The following TENM3 variants were observed in gnomAD, a reference collection of about 807,000 sequenced individuals.
The protein encoded by TENM3 is teneurin-3.
A neutral mutation model predicts 255.1 loss-of-function variants in TENM3; 63 were observed. The ratio of observed to expected loss-of-function variants is 0.25; its 90% confidence interval spans 0.20 to 0.30. The LOEUF (loss-of-function observed/expected upper bound fraction) is 0.30, where lower values mean the gene tolerates loss of function less well. Among genes scored for constraint, TENM3 ranks in the 10% least tolerant of loss-of-function variants. The pLI, the probability that TENM3 is intolerant of heterozygous loss-of-function variation, is 1.00. For synonymous variants in TENM3, 1,306 were observed against 1,322.3 expected (o/e 0.99, Z 0.27); for missense variants, 2,929 against 3,461.1 (o/e 0.85, Z 3.86).
At chr4:181,697,842 G>A in the TENM3 span, among the ~76,000 whole-genome samples, 1 of 152,288 alleles carries the variant, frequency 6.6e-6, no homozygotes, top group Admixed American at 6.5e-5. Flanking sequence ...TTTATTGAAT[G>A]CCTACTCTGT....
chr4:181,908,469 A>T, the TENM3 span, among the ~76,000 whole-genome samples: 7 of 152,278 alleles, frequency 4.6e-5, no homozygotes, highest in East Asian at 1.4e-3. Flanking sequence ...ATATTTAAAG[A>T]TAATATTTAC....
the TENM3 span, among the ~76,000 whole-genome samples, chr4:181,656,693 A>G: frequency 2.0e-5 from 3 of 152,214 alleles, no homozygotes; most frequent in African/African-American, 7.2e-5. Context: ...TCTGAGGACA[A>G]TGTAAAAATA....
intron 3 of TENM3, among the ~76,000 whole-genome samples, chr4:182,356,677 C>G (rs1468998060): frequency 2.0e-5 from 3 of 151,486 alleles, no homozygotes; most frequent in African/African-American, 7.3e-5. Context: ...ACTGCGAGTC[C>G]CTGAAAACTT....
At chr4:182,230,932 A>C (rs1756533286) in intron 1 of TENM3, among the ~76,000 whole-genome samples, 2 of 145,652 alleles carry the variant, frequency 1.4e-5, no homozygotes, top group African/African-American at 2.5e-5. Context: ...GAGTGGGTGC[A>C]GCCCTGCCTC....
At chr4:182,605,484 TTA>T (rs1560992140) in intron 4 of TENM3, among the ~76,000 whole-genome samples, 1 of 114,636 alleles carries the variant, frequency 8.7e-6, no homozygotes, top group Non-Finnish European at 1.7e-5. Context: ...CATCATTTAT[TTA>T]AAAAAAAAAA....
chr4:182,586,842 C>A (rs1746065884), intron 3 of TENM3, among the ~76,000 whole-genome samples: 1 of 152,006 alleles, frequency 6.6e-6, no homozygotes, highest in African/African-American at 2.4e-5. Flanking sequence ...TAAGAAATAA[C>A]ATATCAAATA....
At chr4:182,452,242 C>T (rs994608763) in intron 3 of TENM3, among the ~76,000 whole-genome samples, 9 of 149,202 alleles carry the variant, frequency 6.0e-5, no homozygotes, top group Non-Finnish European at 5.9e-5. Flanking sequence ...GAAAATGGTA[C>T]CATGAAGGAG....
Position 182,328,225 on chromosome 4 carries a change from T to C in TENM3, c.232+3973T>C, listed in dbSNP as rs540712396. On this transcript the variant is annotated intron_variant, in intron 2 of 27. Coordinates refer to ENST00000511685, the MANE Select transcript of TENM3 (RefSeq NM_001080477.4). ...AAGGACTCTGTTTTTTGTTTTTGTT[T>C]TTGTTTTTGAGATGGAGTCTCACTC... Among the ~76,000 whole-genome samples, 6 of 152,200 alleles carry C rather than the reference T, an allele frequency of 3.9e-5. 1 individual carries two copies. The highest frequency in any genetic ancestry group is 1.4e-4 in the African/African-American group (6 of 41,508).
chr4:181,625,968 A>G, the TENM3 span, among the ~76,000 whole-genome samples: 1 of 152,206 alleles, frequency 6.6e-6, no homozygotes, highest in Non-Finnish European at 1.5e-5. Flanking sequence ...TTATTTGCCA[A>G]GGTCTGCACA....
At chr4:182,418,350 C>T (rs980029636) in intron 3 of TENM3, among the ~76,000 whole-genome samples, 19 of 151,976 alleles carry the variant, frequency 1.3e-4, no homozygotes, top group African/African-American at 3.9e-4. Flanking sequence ...CAGTAAGCAT[C>T]GTTTATTTAA....
At chr4:181,882,140 G>A in the TENM3 span, among the ~76,000 whole-genome samples, 2 of 152,114 alleles carry the variant, frequency 1.3e-5, no homozygotes, top group African/African-American at 2.4e-5. Context: ...TGCAGAGTTC[G>A]GCTGCAAGAC....
At chr4:182,089,323 G>A in the TENM3 span, among the ~76,000 whole-genome samples, 2 of 152,248 alleles carry the variant, frequency 1.3e-5, no homozygotes, top group South Asian at 2.1e-4. Context: ...CAAAAGTCGG[G>A]TCTCCTGATT....
At chr4:182,072,439 C>A in the TENM3 span, among the ~76,000 whole-genome samples, 3 of 152,146 alleles carry the variant, frequency 2.0e-5, no homozygotes, top group Non-Finnish European at 4.4e-5. Flanking sequence ...CTTCCAGCCT[C>A]CAAAGGGTAG....
the TENM3 span, among the ~76,000 whole-genome samples, chr4:181,565,513 AGAAGT>A: frequency 6.6e-6 from 1 of 152,226 alleles, no homozygotes; most frequent in Admixed American, 6.5e-5. Flanking sequence ...TTAGTGTATA[AGAAGT>A]GCAATGGCGA....
the TENM3 span, among the ~76,000 whole-genome samples, chr4:181,893,376 G>C: frequency 6.6e-6 from 1 of 151,566 alleles, no homozygotes; most frequent in Non-Finnish European, 1.5e-5. Context: ...AGACCTGAAT[G>C]TTAATTTTTA....
At chr4:182,170,088 T>G (rs942117345) in intron 1 of TENM3, among the ~76,000 whole-genome samples, 1 of 151,368 alleles carries the variant, frequency 6.6e-6, no homozygotes, top group Middle Eastern at 3.4e-3. Context: ...ATTGGTTCCT[T>G]GAACAGTAAA....
intron 19 of TENM3, among the ~76,000 whole-genome samples, chr4:182,746,207 T>A (rs1300719625): frequency 6.6e-6 from 1 of 152,192 alleles, no homozygotes; most frequent in African/African-American, 2.4e-5. Flanking sequence ...TCTTTGACAC[T>A]TAATCATACC....
At chr4:181,978,078 T>G in the TENM3 span, among the ~76,000 whole-genome samples, 1 of 152,134 alleles carries the variant, frequency 6.6e-6, no homozygotes, top group Non-Finnish European at 1.5e-5. Context: ...TGACAGAAGA[T>G]GAAGTCTGGA....
At chr4:182,484,564 A>G (rs887388871) in intron 3 of TENM3, among the ~76,000 whole-genome samples, 1 of 152,176 alleles carries the variant, frequency 6.6e-6, no homozygotes, top group Non-Finnish European at 1.5e-5. Flanking sequence ...ATTAATTTTG[A>G]ATGATTGTGT....
Sources: allele counts gnomAD v4.1 joint callset (sites outside exome capture counted in the v4.1 genomes callset), GRCh38; gene constraint gnomAD v4.1.1; transcripts MANE v1.5; gene names NCBI Gene and HGNC (gene_info 2026-07-23, HGNC 2026-07-21).